Variants in CFAP299 observed in about 807,000 individuals in gnomAD.
CFAP299 encodes cilia and flagella associated protein 299, also known as cilia- and flagella-associated protein 299.
CFAP299 carries 21 observed loss-of-function variants against 27.0 expected under a neutral mutation model. The ratio of observed to expected loss-of-function variants is 0.78; its 90% confidence interval spans 0.55 to 1.12. CFAP299 has a LOEUF of 1.12. Among genes scored for constraint, CFAP299 ranks in the 50% most tolerant of loss-of-function variants. The probability of loss-of-function intolerance (pLI) is 0.00; values close to 1 mark genes in which losing one functional copy is unlikely to be tolerated. For missense variants in CFAP299, 310 were observed against 276.6 expected (o/e 1.12, Z -0.86); for synonymous variants, 104 against 98.1 (o/e 1.06, Z -0.36).
chr4:80,582,232 C>A (rs1291722997), intron 2 of CFAP299, among the ~76,000 whole-genome samples: 1 of 151,758 alleles, frequency 6.6e-6, no homozygotes, highest in African/African-American at 2.4e-5. Flanking sequence ...GAATAAGATA[C>A]TTCTTTTATG....
intron 2 of CFAP299, among the ~76,000 whole-genome samples, chr4:80,521,305 A>T (rs534018036): frequency 6.6e-6 from 1 of 152,256 alleles, no homozygotes; most frequent in East Asian, 1.9e-4. Context: ...TCTCATTCTT[A>T]TATGGCTATC....
chr4:80,398,338 TTTAAAGTTCA>T (rs1389180764), intron 2 of CFAP299, among the ~76,000 whole-genome samples: 13 of 152,202 alleles, frequency 8.5e-5, no homozygotes, highest in Non-Finnish European at 1.3e-4. Context: ...GAAAAACTAC[TTTAAAGTTCA>T]TATGGAACCA....
chr4:80,603,080 G>C (rs1192762039), intron 3 of CFAP299, among the ~76,000 whole-genome samples: 1 of 152,218 alleles, frequency 6.6e-6, no homozygotes, highest in East Asian at 1.9e-4. Context: ...CTCTAAGCAT[G>C]ACACCAAACC....
chr4:80,327,948 G>A, the CFAP299 span, among the ~76,000 whole-genome samples: 7 of 151,616 alleles, frequency 4.6e-5, no homozygotes, highest in African/African-American at 1.7e-4. Flanking sequence ...TGGTATTATG[G>A]AAGCTAAGAG....
chr4:80,623,011 T>A (rs7664330), intron 3 of CFAP299, among the ~76,000 whole-genome samples: 8,555 of 152,056 alleles, frequency 0.056, 719 homozygotes, highest in African/African-American at 0.18. Context: ...TCACTTTTTT[T>A]AAAAAAGTGG....
intron 2 of CFAP299, among the ~76,000 whole-genome samples, chr4:80,371,716 C>T (rs1724160394): frequency 6.6e-6 from 1 of 152,192 alleles, no homozygotes. Flanking sequence ...GATCTTTGCT[C>T]TAGTTTCTAA....
At chr4:80,330,720 T>C in the CFAP299 span, among the ~76,000 whole-genome samples, 122 of 152,340 alleles carry the variant, frequency 8.0e-4, 1 homozygote, top group African/African-American at 2.7e-3. Flanking sequence ...GTTATTACAT[T>C]GGTATTGCTA....
intron 2 of CFAP299, among the ~76,000 whole-genome samples, chr4:80,373,491 C>T (rs1394477818): frequency 1.3e-5 from 2 of 152,122 alleles, no homozygotes; most frequent in Non-Finnish European, 2.9e-5. Context: ...TGATATATGG[C>T]AGTGCATCGT....
At chr4:80,609,210 T>C (rs1737838578) in intron 3 of CFAP299, among the ~76,000 whole-genome samples, 1 of 152,102 alleles carries the variant, frequency 6.6e-6, no homozygotes, top group South Asian at 2.1e-4. Flanking sequence ...GGTTAAATAA[T>C]GTGACTTTGT....
chr4:80,670,995 T>G (rs1386090751), intron 3 of CFAP299, among the ~76,000 whole-genome samples: 2 of 152,242 alleles, frequency 1.3e-5, no homozygotes, highest in Non-Finnish European at 2.9e-5. Context: ...TTAGTTTAAT[T>G]AGATCGCATT....
chr4:80,444,918 A>G (rs1417660548), intron 2 of CFAP299, among the ~76,000 whole-genome samples: 1 of 152,226 alleles, frequency 6.6e-6, no homozygotes, highest in African/African-American at 2.4e-5. Context: ...ACAAACATGA[A>G]AAAAAGCTCA....
At chr4:80,813,560 A>C (rs1729269979) in intron 3 of CFAP299, among the ~76,000 whole-genome samples, 1 of 152,016 alleles carries the variant, frequency 6.6e-6, no homozygotes, top group Non-Finnish European at 1.5e-5. Context: ...CCAAATAGTA[A>C]GGCTTCGGGG....
chr4:80,403,848 A>G (rs1262501427), intron 2 of CFAP299, among the ~76,000 whole-genome samples: 1 of 152,112 alleles, frequency 6.6e-6, no homozygotes, highest in Admixed American at 6.6e-5. Context: ...CACCTGTTAA[A>G]TATTAGGTTG....
At chr4:80,629,719 A>G (rs2109944135) in intron 3 of CFAP299, among the ~76,000 whole-genome samples, 1 of 152,146 alleles carries the variant, frequency 6.6e-6, no homozygotes, top group East Asian at 1.9e-4. Context: ...GTGTCTACTA[A>G]AAATACAAAA....
intron 3 of CFAP299, among the ~76,000 whole-genome samples, chr4:80,808,959 C>T (rs961390042): frequency 3.9e-5 from 6 of 151,968 alleles, no homozygotes; most frequent in South Asian, 2.1e-4. Flanking sequence ...GAGAGATTTT[C>T]GTAAGGGATT....
intron 3 of CFAP299, among the ~76,000 whole-genome samples, chr4:80,854,810 GAA>G (rs58533748): frequency 0.11 from 4,458 of 42,390 alleles, 143 homozygotes; most frequent in South Asian, 0.16. Context: ...CTGTTGCTAT[GAA>G]AAAAAAAAAA....
At chr4:80,893,252 C>A (rs1734435538) in intron 4 of CFAP299, among the ~76,000 whole-genome samples, 1 of 151,326 alleles carries the variant, frequency 6.6e-6, no homozygotes, top group Admixed American at 6.6e-5. Flanking sequence ...CAGATGAAGG[C>A]ATCCCATGTT....
chr4:80,408,728 G>A (rs528502856), intron 2 of CFAP299, among the ~76,000 whole-genome samples: 2 of 151,974 alleles, frequency 1.3e-5, no homozygotes, highest in East Asian at 3.9e-4. Context: ...AAATGGATAA[G>A]AATGGTGGAC....
At chr4:80,856,234 G>A (rs1245787981) in intron 3 of CFAP299, among the ~76,000 whole-genome samples, 56 of 148,308 alleles carry the variant, frequency 3.8e-4, no homozygotes, top group Middle Eastern at 3.4e-3. Flanking sequence ...CATGTCTTTC[G>A]CCCACTTTTT....
Sources: gnomAD v4.1 joint callset for allele counts (sites outside exome capture counted in the v4.1 genomes callset) on GRCh38, gnomAD v4.1.1 for gene constraint, MANE v1.5 for transcripts, NCBI Gene and HGNC (gene_info 2026-07-23, HGNC 2026-07-21) for gene names.